Variants in ANK3 observed in about 807,000 individuals in gnomAD.
The protein encoded by ANK3 is ankyrin 3.
In ANK3, 57 loss-of-function variants were observed where a neutral mutation model predicts 370.9. That is an observed-to-expected ratio of 0.15 (90% CI 0.12 to 0.19). The LOEUF is 0.19. Ranked by LOEUF, ANK3 falls within the 10% of genes least tolerant of loss-of-function variation. The probability of loss-of-function intolerance (pLI) is 1.00; values close to 1 mark genes in which losing one functional copy is unlikely to be tolerated. For missense variants in ANK3, 4,439 were observed against 5,302.1 expected (o/e 0.84, Z 5.06); for synonymous variants, 1,929 against 1,946.3 (o/e 0.99, Z 0.23).
intron 9 of ANK3, among the ~76,000 whole-genome samples, chr10:60,210,181 C>G (rs2096830914): frequency 6.6e-6 from 1 of 152,060 alleles, no homozygotes; most frequent in Non-Finnish European, 1.5e-5. Context: ...TTGCACTCAA[C>G]AAGGAAAAGT....
chr10:60,096,792 T>C (rs1203381125), intron 28 of ANK3, among the ~76,000 whole-genome samples: 2 of 152,222 alleles, frequency 1.3e-5, no homozygotes, highest in Non-Finnish European at 2.9e-5. Flanking sequence ...TACTTTTATA[T>C]GGTTTTGTTT....
At chr10:60,471,906 G>T (rs569435152) in intron 2 of ANK3, among the ~76,000 whole-genome samples, 1 of 151,812 alleles carries the variant, frequency 6.6e-6, no homozygotes, top group East Asian at 1.9e-4. Flanking sequence ...GCAAATAAAG[G>T]CCCTAGAGAG....
At chr10:60,185,085 T>G (rs917911395) in intron 17 of ANK3, among the ~76,000 whole-genome samples, 1 of 152,138 alleles carries the variant, frequency 6.6e-6, no homozygotes, top group African/African-American at 2.4e-5. Flanking sequence ...ATTATGAAAT[T>G]GCTTTTTGAT....
intron 1 of ANK3, among the ~76,000 whole-genome samples, chr10:60,385,029 G>A (rs1315740698): frequency 1.3e-5 from 2 of 152,012 alleles, no homozygotes; most frequent in African/African-American, 4.8e-5. Flanking sequence ...GCTACAACAC[G>A]GATGCTTGAG....
At chr10:60,689,719 C>T (rs1052441544) in intron 1 of ANK3, among the ~76,000 whole-genome samples, 102 of 146,286 alleles carry the variant, frequency 7.0e-4, no homozygotes, top group Non-Finnish European at 1.2e-3. Flanking sequence ...GCCACCATTG[C>T]ACTCAAGCCT....
chr10:60,262,076 C>A (rs567482592), intron 6 of ANK3, 119 bp from the exon 7 acceptor site: 9 of 761,460 alleles, frequency 1.2e-5, no homozygotes, highest in Non-Finnish European at 1.9e-5. Flanking sequence ...GGTCTATGTT[C>A]CATTCTGTAC....
At chr10:60,438,363 C>T (rs1567041312) in intron 2 of ANK3, among the ~76,000 whole-genome samples, 1 of 152,134 alleles carries the variant, frequency 6.6e-6, no homozygotes, top group Non-Finnish European at 1.5e-5. Context: ...ACTCCACTTA[C>T]AATTAGGCCT....
intron 2 of ANK3, among the ~76,000 whole-genome samples, chr10:60,608,961 A>T (rs1422167539): frequency 6.6e-6 from 1 of 152,136 alleles, no homozygotes; most frequent in African/African-American, 2.4e-5. Flanking sequence ...TTATACTTTA[A>T]CATTTTTTTA....
intron 1 of ANK3, among the ~76,000 whole-genome samples, chr10:60,725,046 C>T (rs1405664769): frequency 1.3e-5 from 2 of 152,140 alleles, no homozygotes; most frequent in Non-Finnish European, 2.9e-5. Context: ...GCCATTCTAA[C>T]GTGTTTAAGG....
chr10:60,642,639 G>GC (rs35598216), intron 1 of ANK3, among the ~76,000 whole-genome samples: 15,998 of 151,202 alleles, frequency 0.11, 968 homozygotes, highest in Non-Finnish European at 0.12. Context: ...TTGTGGGGTG[G>GC]GGGGGCGAGG....
intron 2 of ANK3, among the ~76,000 whole-genome samples, chr10:60,590,719 AG>A (rs1439398099): frequency 6.6e-6 from 1 of 152,246 alleles, no homozygotes; most frequent in Non-Finnish European, 1.5e-5. Flanking sequence ...TCTACAAAAC[AG>A]CATAGTATTC....
chr10:60,216,845 A>G (rs772918399), intron 8 of ANK3, among the ~76,000 whole-genome samples: 7 of 152,114 alleles, frequency 4.6e-5, no homozygotes, highest in Non-Finnish European at 8.8e-5. Flanking sequence ...GAATGGTACT[A>G]GCTCCTCTTT....
chr10:60,669,267 A>C (rs1457137053), intron 1 of ANK3, among the ~76,000 whole-genome samples: 1 of 152,216 alleles, frequency 6.6e-6, no homozygotes, highest in Non-Finnish European at 1.5e-5. Context: ...TGCAGCGCTA[A>C]ATAACTTGAC....
intron 1 of ANK3, chr10:60,615,265 A>G: frequency 7.1e-7 from 1 of 1,402,744 alleles, no homozygotes; most frequent in South Asian, 1.3e-5. Flanking sequence ...AACATGAAAG[A>G]ATTCCATATA....
At chr10:60,105,632 T>TAGA (rs1371406109) in intron 28 of ANK3, among the ~76,000 whole-genome samples, 1 of 152,342 alleles carries the variant, frequency 6.6e-6, no homozygotes, top group East Asian at 1.9e-4. Context: ...ATTTTTGACT[T>TAGA]AGAAAACTTT....
At chr10:60,117,376 G>T (rs905856838) in intron 25 of ANK3, among the ~76,000 whole-genome samples, 3 of 152,190 alleles carry the variant, frequency 2.0e-5, no homozygotes, top group Non-Finnish European at 4.4e-5. Flanking sequence ...GAGGTAAGTA[G>T]ACGAGACACA....
rs369468911 is a variant in ANK3 at position 60,074,044 on chromosome 10, G to A, written c.6837C>T (p.Ala2279=). The change falls in exon 37 of 44, where the codon GCC becomes GCT. Residue 2279 remains alanine (A), a synonymous_variant. Transcript: ENST00000280772. ...TGGAAGGATCCCGCCCGGACTGAAA[G>A]GCCTTCATGATGTCATGGACTGACA... The part of the protein sequence containing the change: ...ETMSVHDIMK[A]FQSGRDPSKE... The A allele has an allele frequency of 5.0e-6, 8 of 1,614,092 alleles. No individual in the cohort carries two copies. The highest frequency in any genetic ancestry group is 1.3e-5 in the African/African-American group (1 of 75,046).
intron 24 of ANK3, chr10:60,138,627 C>A: frequency 2.3e-6 from 1 of 440,278 alleles, no homozygotes; most frequent in South Asian, 6.8e-5. Flanking sequence ...TACTTTCTTT[C>A]AATATGGAAC....
chr10:60,400,926 A>G (rs1594956029), intron 2 of ANK3, among the ~76,000 whole-genome samples: 1 of 152,266 alleles, frequency 6.6e-6, no homozygotes, highest in South Asian at 2.1e-4. Context: ...CTAAAGCTCA[A>G]GAGCTCTTCC....
Sources: gnomAD v4.1 joint callset for allele counts (sites outside exome capture counted in the v4.1 genomes callset) on GRCh38, gnomAD v4.1.1 for gene constraint, MANE v1.5 for transcripts, NCBI Gene and HGNC (gene_info 2026-07-23, HGNC 2026-07-21) for gene names.